The following TNXB variants were observed in gnomAD, a reference collection of about 807,000 sequenced individuals.
The protein encoded by TNXB is tenascin-X.
TNXB carries 183 observed loss-of-function variants against 340.5 expected under a neutral mutation model. The ratio of observed to expected loss-of-function variants is 0.54; its 90% CI spans 0.48 to 0.61. The LOEUF (loss-of-function observed/expected upper bound fraction) is 0.61, where lower values mean the gene tolerates loss of function less well. Ranked by LOEUF, TNXB falls within the 20% of genes least tolerant of loss-of-function variation. The pLI, the probability that TNXB is intolerant of heterozygous loss-of-function variation, is 0.00. For missense variants in TNXB, 4,613 were observed against 5,446.4 expected (o/e 0.85, Z 4.82); for synonymous variants, 2,121 against 2,314.5 (o/e 0.92, Z 2.40).
intron 26 of TNXB, 22 bp from the exon 27 acceptor site, chr6:32,050,343 C>G (rs764860249): frequency 2.3e-5 from 37 of 1,606,790 alleles, no homozygotes; most frequent in African/African-American, 1.1e-4. Context: ...CGTGTGGGGA[C>G]AGTGAGGACC....
At position 32,048,355 on chromosome 6, in the gene TNXB, TCA is replaced by T; in HGVS notation, c.10045+6_10045+7del. The T allele has an allele frequency of 6.8e-7, 1 of 1,475,984 alleles. No homozygotes were observed. The highest frequency in any genetic ancestry group is 1.4e-5 in the African/African-American group (1 of 71,302). 91.4% of individuals were successfully genotyped at this position (1,475,984 alleles called of 1,614,324 possible). On this transcript the variant is annotated splice_donor_region_variant and intron_variant, in intron 29 of 43. Transcript: ENST00000644971. ...TCTGGCCGCGGGAGGCCTCCAGCCC[TCA>T]CTCACCGGTCCTGGCCTCCACAGGG...
At position 32,064,343 on chromosome 6, in the gene TNXB, G is replaced by T. The variant is rs1281627236; in HGVS notation, c.6841+478C>A. Among the ~76,000 whole-genome samples, 1 of 152,164 alleles carries T rather than the reference G, an allele frequency of 6.6e-6. No individual in the cohort carries two copies. Among genetic ancestry groups the T allele is most frequent in the Non-Finnish European group, 1.5e-5 (1 of 68,040 alleles). Reference sequence around the variant, plus strand: ...TTCTCCCGCCTTAGCCTCCCGAGTAGCTGGGACTACAGGCATGTGCCACCA... The same window carrying T: ...TTCTCCCGCCTTAGCCTCCCGAGTATCTGGGACTACAGGCATGTGCCACCA... On this transcript the variant is annotated intron_variant, in intron 19 of 43. Coordinates refer to ENST00000644971, the MANE Select transcript of TNXB (RefSeq NM_001365276.2). The surrounding 1 kb of genome is among the most constrained non-coding windows in gnomAD (Gnocchi z 5.3).
chr6:32,086,718 T>G (rs115964385), intron 6 of TNXB, among the ~76,000 whole-genome samples: 1 of 152,140 alleles, frequency 6.6e-6, no homozygotes, highest in Non-Finnish European at 1.5e-5. Flanking sequence ...AAAAGCCAGC[T>G]TAAGAAGCAG....
chr6:32,103,996 G>C (rs1780854626), intron 1 of TNXB, among the ~76,000 whole-genome samples: 1 of 152,092 alleles, frequency 6.6e-6, no homozygotes, highest in Non-Finnish European at 1.5e-5. Context: ...CTCCCAAAGT[G>C]CTGGGGTTAC....
chr6:32,050,276 G>T lies in TNXB; in HGVS notation c.9161C>A (p.Thr3054Asn), dbSNP rs368614627. ...GCGAGGCTTGATGGGGGGCTCAGGG[G>T]TCATGGTAGGCACTGCTTGGGTGGT... Reference protein sequence around the residue: ...AETTQAVPTMTPEPPIKPRLG... With the variant: ...AETTQAVPTMNPEPPIKPRLG... Residue 3054 changes from threonine (T) to asparagine (N), a missense_variant, in exon 27 of 44, where the codon ACC becomes AAC. Thr to Asn is a moderately conservative substitution (Grantham distance 65). This residue lies in a region of TNXB where 4,327 missense variants were observed against 4,859.4 expected (regional missense o/e 0.89). Transcript: ENST00000644971. The T allele has an allele frequency of 6.2e-7, 1 of 1,613,442 alleles. No homozygotes were observed. The highest frequency in any genetic ancestry group is 8.5e-7 in the Non-Finnish European group (1 of 1,179,850).
rs1232047880 is a variant in TNXB at position 32,055,964 on chromosome 6, T to G, written c.8354A>C (p.Glu2785Ala). Residue 2785 changes from glutamate (E) to alanine (A), a missense_variant, in exon 24 of 44, where the codon GAG becomes GCG. Glu to Ala is a moderately radical substitution (Grantham distance 107). Transcript: ENST00000644971. Reference protein sequence around the residue: ...GRPQVMRVRGEESEVTVGGLE... With the variant: ...GRPQVMRVRGAESEVTVGGLE... ...GCCCCCCACGGTGACCTCGCTCTCC[T>G]CGCCCCTGACACGCATCACCTGGGG... is the stretch of plus-strand genomic sequence containing the variant. 2 of 1,613,354 alleles carry G rather than the reference T, an allele frequency of 1.2e-6. No individual in the cohort carries two copies. Among genetic ancestry groups the G allele is most frequent in the Non-Finnish European group, 1.7e-6 (2 of 1,179,874 alleles).
intron 1 of TNXB, among the ~76,000 whole-genome samples, chr6:32,106,131 T>TGG (rs527886178): frequency 2.0e-3 from 45 of 22,264 alleles, no homozygotes; most frequent in African/African-American, 2.6e-3. Context: ...AGTAGGGGCA[T>TGG]GGGGGGGGGG....
rs777834357 is a variant in TNXB at position 32,069,682 on chromosome 6, C to A, written c.5458G>T (p.Val1820Leu). 1.2e-6 allele frequency: 2 copies of A among 1,613,124 alleles called. No individual in the cohort carries two copies. The highest frequency in any genetic ancestry group is 1.3e-5 in the African/African-American group (1 of 75,042). Reference sequence around the variant, plus strand: ...TCCCTGAGGCTGCCCTCCACGGGCACCACCTGGGGCTGCCCGTCCCTGTCT... The same window carrying A: ...TCCCTGAGGCTGCCCTCCACGGGCAACACCTGGGGCTGCCCGTCCCTGTCT... ...YKDRDGQPQV[V>L]PVEGSLREVS... Residue 1820 changes from valine (V) to leucine (L), a missense_variant, in exon 15 of 44, where the codon GTG (valine) becomes TTG (leucine). Around this residue, in one of 7 missense-constraint regions of TNXB, gnomAD observed 4,327 missense variants for 4,859.4 expected, o/e 0.89. Transcript: ENST00000644971. This position sits in a 1 kb window ranked among gnomAD's most constrained non-coding sequence, Gnocchi z 6.2.
chr6:32,092,432 T>C (rs1239481505), intron 4 of TNXB, among the ~76,000 whole-genome samples: 1 of 152,122 alleles, frequency 6.6e-6, no homozygotes, highest in Non-Finnish European at 1.5e-5. Context: ...GAGAAGTGCT[T>C]CTGGGAAGAG....
Position 32,080,445 on chromosome 6 carries a change from C to T in TNXB, c.4042+923G>A, listed in dbSNP as rs538762879. On this transcript the variant is annotated intron_variant, in intron 10 of 43. Coordinates refer to ENST00000644971, the MANE Select transcript of TNXB (RefSeq NM_001365276.2). The surrounding 1 kb of genome is among the most constrained non-coding windows in gnomAD (Gnocchi z 4.3). ...CAGGATGGTCTCGATCTCCTGACCT[C>T]GTGATCCACCCGCCTTGGCCTCCCA... Among the ~76,000 whole-genome samples the T allele has an allele frequency of 1.3e-5, 2 of 152,170 alleles. No homozygotes were observed. The highest frequency in any genetic ancestry group is 2.4e-5 in the African/African-American group (1 of 41,442).
At chr6:32,057,995 T>C in intron 22 of TNXB, 63 bp downstream of exon 22, 1 of 1,518,954 alleles carries the variant, frequency 6.6e-7, no homozygotes, top group Non-Finnish European at 8.8e-7. Flanking sequence ...TATAGGAAAA[T>C]GGTAGAGAAG....
At position 32,042,746 on chromosome 6, in the gene TNXB, A is replaced by G. The variant is rs200958358; in HGVS notation, c.12011T>C (p.Met4004Thr). 53,965 of 800,472 alleles carry G rather than the reference A, an allele frequency of 0.067. 2,579 individuals are homozygous for G. The highest frequency in any genetic ancestry group is 0.12 in the African/African-American group (5,016 of 43,406). 49.6% of individuals were successfully genotyped at this position (800,472 alleles called of 1,614,324 possible). The change falls in exon 39 of 44, where the codon ATG becomes ACG. Residue 4004 changes from methionine to threonine, a missense_variant. By Grantham distance (81) the Met-to-Thr change is moderately conservative. This residue lies in a region of TNXB where 121 missense variants were observed against 177.4 expected (regional missense o/e 0.68). Coordinates refer to ENST00000644971, the MANE Select transcript of TNXB (RefSeq NM_001365276.2). ...GGGCGGCAGGAGGCTCTGGCCCCAC[A>G]TGGCCTGGAGCCGTGCATTGTAGGA... ...STSYNARLQA[M>T]WGQSLLPPVS... is the part of the protein sequence containing the mutation.
chr6:32,056,193 G>C lies in TNXB; in HGVS notation c.8144-19C>G, dbSNP rs1209741162. Reference sequence around the variant, plus strand: ...TCTGCAGCTGAGAAAAGGAGATATAGAGAGGATGCCAGGTGCCTGGGGGAT... The same window carrying C: ...TCTGCAGCTGAGAAAAGGAGATATACAGAGGATGCCAGGTGCCTGGGGGAT... On this transcript the variant is annotated intron_variant, in intron 23 of 43. Coordinates refer to ENST00000644971, the MANE Select transcript of TNXB (RefSeq NM_001365276.2). 6.2e-7 allele frequency: 1 copy of C among 1,603,874 alleles called. No individual in the cohort carries two copies. The highest frequency in any genetic ancestry group is 8.5e-7 in the Non-Finnish European group (1 of 1,173,588).
Position 32,095,748 on chromosome 6 carries a change from T to C in TNXB, c.2105A>G (p.Gln702Arg), listed in dbSNP as rs377105173. ...TCGGAAGCCCTCTACACACACACAC[T>C]GGCCTGCCCGGCACAGTTCCCGGGG... ...CGPRELCRAG[Q>R]CVCVEGFRGP... Residue 702 changes from glutamine to arginine, a missense_variant, in exon 3 of 44, where the codon CAG becomes CGG. Physicochemically the swap from Gln to Arg is conservative, Grantham distance 43. Coordinates refer to ENST00000644971, the MANE Select transcript of TNXB (RefSeq NM_001365276.2). 6.8e-6 allele frequency: 11 copies of C among 1,613,530 alleles called. No homozygotes were observed. The highest frequency in any genetic ancestry group is 9.3e-6 in the Non-Finnish European group (11 of 1,179,794).
chr6:32,052,815 G>A lies in TNXB; in HGVS notation c.8970C>T (p.Asp2990=), dbSNP rs759178833. Residue 2990 remains aspartate, a synonymous_variant, in exon 26 of 44, where the codon GAC becomes GAT. Transcript: ENST00000644971. The surrounding 1 kb of genome is among the most constrained non-coding windows in gnomAD (Gnocchi z 4.7). ...TGACACGCACCACCTGGGGCCGCCCGTCCCTGTCCTTGTACTGCACAGTGA... is the reference window on the plus strand; with the variant it reads ...TGACACGCACCACCTGGGGCCGCCCATCCCTGTCCTTGTACTGCACAGTGA... The part of the protein sequence containing the change: ...DSFTVQYKDR[D]GRPQVVRVRG... The A allele has an allele frequency of 4.8e-5, 78 of 1,613,546 alleles. No homozygotes were observed. Among genetic ancestry groups the A allele is most frequent in the Non-Finnish European group, 5.9e-5 (70 of 1,179,884 alleles).
At position 32,050,117 on chromosome 6, in the gene TNXB, G is replaced by C. The variant is rs773247029; in HGVS notation, c.9320C>G (p.Pro3107Arg). 5 of 1,613,720 alleles carry C rather than the reference G, an allele frequency of 3.1e-6. No individual in the cohort carries two copies. Among genetic ancestry groups the C allele is most frequent in the Non-Finnish European group, 4.2e-6 (5 of 1,179,866 alleles). The change falls in exon 27 of 44, where the codon CCG becomes CGG. Residue 3107 changes from proline to arginine, a missense_variant. Transcript: ENST00000644971. ...GATGGTGACCCCGTCCTCGTGCCCC[G>C]GCACCCGCACCGCCTTGGGCTGCCC... ...GDGQPKAVRV[P>R]GHEDGVTISG...
chr6:32,078,643 AC>A, intron 11 of TNXB: 1 of 256,012 alleles, frequency 3.9e-6, no homozygotes, highest in Non-Finnish European at 7.5e-6. Context: ...GTGCATTCTG[AC>A]CAAGTAACTG....
Position 32,072,844 on chromosome 6 carries a change from G to A in TNXB, c.4682-546C>T, listed in dbSNP as rs927510840. On this transcript the variant is annotated intron_variant, in intron 12 of 43. Coordinates refer to ENST00000644971, the MANE Select transcript of TNXB (RefSeq NM_001365276.2). This position sits in a 1 kb window ranked among gnomAD's most constrained non-coding sequence, Gnocchi z 4.4. ...CACGTGCCCGTAATCCCAGTTACTC[G>A]GGAGGCTGAGGCAGGAGAATTGCTT... Among the ~76,000 whole-genome samples, 1 of 152,170 alleles carries A rather than the reference G, an allele frequency of 6.6e-6. No individual in the cohort carries two copies. Among genetic ancestry groups the A allele is most frequent in the African/African-American group, 2.4e-5 (1 of 41,426 alleles).
Position 32,068,396 on chromosome 6 carries a change from C to A in TNXB, c.6214G>T (p.Val2072Leu). ...QRMGPVSVVG[V>L]TAAEEETPSP... is the part of the protein sequence containing the mutation. ...GCTCCCATCATCCACTCACCTGTCA[C>A]CCCGACGACAGACACAGGGCCCATG... Residue 2072 changes from valine to leucine, a missense_variant, in exon 17 of 44, where the codon GTG becomes TTG. By Grantham distance (32) the Val-to-Leu change is conservative. This residue lies in a region of TNXB where 4,327 missense variants were observed against 4,859.4 expected (regional missense o/e 0.89). Transcript: ENST00000644971. This position sits in a 1 kb window ranked among gnomAD's most constrained non-coding sequence, Gnocchi z 5.3. 3 of 1,613,398 alleles carry A rather than the reference C, an allele frequency of 1.9e-6. No homozygotes were observed. Among genetic ancestry groups the A allele is most frequent in the Non-Finnish European group, 2.5e-6 (3 of 1,179,510 alleles).
Sources: allele counts gnomAD v4.1 joint callset (sites outside exome capture counted in the v4.1 genomes callset), GRCh38; gene constraint gnomAD v4.1.1; regional missense constraint gnomAD v4.1.1; non-coding constraint Gnocchi (gnomAD v3.1); transcripts MANE v1.5; gene names NCBI Gene and HGNC (gene_info 2026-07-23, HGNC 2026-07-21).